The following TRMT61B variants were observed in gnomAD, a reference collection of about 807,000 sequenced individuals.
TRMT61B encodes the protein tRNA (adenine(58)-N(1))-methyltransferase, mitochondrial.
In TRMT61B, 56 loss-of-function variants were observed where a neutral mutation model predicts 52.0. That is an observed-to-expected ratio of 1.08 (90% CI 0.87 to 1.35). The LOEUF is 1.35. Ranked by LOEUF, TRMT61B falls within the 40% of genes most tolerant of loss-of-function variation. The pLI is 0.00. For missense variants in TRMT61B, 650 were observed against 577.9 expected (o/e 1.12, Z -1.28); for synonymous variants, 206 against 220.0 (o/e 0.94, Z 0.56).
At chr2:28,861,335 C>A in intron 2 of TRMT61B, 27 bp from the exon 3 acceptor site, 2 of 1,516,718 alleles carry the variant, frequency 1.3e-6, no homozygotes, top group Non-Finnish European at 1.8e-6. Context: ...TTTGATATTT[C>A]ATAATATTAA....
At chr2:28,866,021 G>A (rs982192727) in intron 1 of TRMT61B, among the ~76,000 whole-genome samples, 21 of 138,696 alleles carry the variant, frequency 1.5e-4, no homozygotes, top group East Asian at 8.8e-4. Flanking sequence ...ACAGAGTCTC[G>A]CTCTGTCACC....
intron 3 of TRMT61B, among the ~76,000 whole-genome samples, chr2:28,856,584 C>T (rs1052439036): frequency 2.6e-5 from 4 of 152,030 alleles, no homozygotes; most frequent in Non-Finnish European, 5.9e-5. Flanking sequence ...TTTTATACTT[C>T]TGAGTCTTTT....
At position 28,855,276 on chromosome 2, in the gene TRMT61B, C is replaced by A. The variant is rs1341411387; in HGVS notation, c.994-2777G>T. Among the ~76,000 whole-genome samples the A allele has an allele frequency of 2.6e-5, 4 of 152,132 alleles. No individual in the cohort carries two copies. In the East Asian group the frequency reaches 7.7e-4, roughly 29 times the overall value. On this transcript the variant is annotated intron_variant, in intron 3 of 6. Coordinates refer to ENST00000306108, the MANE Select transcript of TRMT61B (RefSeq NM_017910.4). ...GCCACTGAAGAATTTTAAAGATTGA[C>A]ATGATTTGAACTTTTTTAAAAAACT...
At chr2:28,852,016 C>T (rs1669128422) in intron 4 of TRMT61B, among the ~76,000 whole-genome samples, 1 of 148,362 alleles carries the variant, frequency 6.7e-6, no homozygotes, top group Non-Finnish European at 1.5e-5. Flanking sequence ...TATTCAGTTA[C>T]AAAATGAATA....
intron 2 of TRMT61B, among the ~76,000 whole-genome samples, chr2:28,862,934 T>C (rs1369076477): frequency 6.6e-6 from 1 of 151,244 alleles, no homozygotes; most frequent in East Asian, 2.0e-4. Context: ...AGCACAGTAA[T>C]ACTGCAATTC....
chr2:28,863,737 T>C (rs897936869), intron 2 of TRMT61B, among the ~76,000 whole-genome samples: 2 of 152,170 alleles, frequency 1.3e-5, no homozygotes, highest in Non-Finnish European at 2.9e-5. Context: ...CAGAATGAAT[T>C]TACCGGCTTA....
chr2:28,857,684 G>A (rs959417543), intron 3 of TRMT61B, among the ~76,000 whole-genome samples: 1 of 152,016 alleles, frequency 6.6e-6, no homozygotes, highest in Non-Finnish European at 1.5e-5. Context: ...ACTTACCCAA[G>A]GTTACACTGG....
At chr2:28,869,541 T>C (rs745719728) in intron 1 of TRMT61B, 38 bp downstream of exon 1, 23 of 1,457,354 alleles carry the variant, frequency 1.6e-5, no homozygotes, top group Non-Finnish European at 2.1e-5. Context: ...TCTTTGCCCC[T>C]CCTGAAACCA....
At position 28,869,852 on chromosome 2, in the gene TRMT61B, A is replaced by G. The variant is rs910906996; in HGVS notation, c.426T>C (p.Ser142=). ...AGGGTCTCTCTCTGGAAGTTGAACA[A>G]GAAGGGGAGACGTGACGCTCTTCGA... is the stretch of plus-strand genomic sequence containing the variant. ...TEVEERHVSP[S]CSTSRERPFQ... is the part of the protein sequence containing the mutation. Residue 142 remains serine (S), a synonymous_variant, in exon 1 of 7, where the codon TCT becomes TCC. Transcript: ENST00000306108. 6.2e-7 allele frequency: 1 copy of G among 1,611,234 alleles called. No individual in the cohort carries two copies. Among genetic ancestry groups the G allele is most frequent in the Non-Finnish European group, 8.5e-7 (1 of 1,179,766 alleles).
chr2:28,867,847 T>G (rs893139525), intron 1 of TRMT61B, among the ~76,000 whole-genome samples: 1 of 151,882 alleles, frequency 6.6e-6, no homozygotes, highest in Non-Finnish European at 1.5e-5. Flanking sequence ...CTAGAGAAGT[T>G]TGAGACCAGT....
At position 28,869,983 on chromosome 2, in the gene TRMT61B, G is replaced by A; in HGVS notation, c.295C>T (p.Pro99Ser). 6.2e-7 allele frequency: 1 copy of A among 1,613,698 alleles called. No individual in the cohort carries two copies. Residue 99 changes from proline (P) to serine (S), a missense_variant, in exon 1 of 7, where the codon CCT (proline) becomes TCT (serine). Coordinates refer to ENST00000306108, the MANE Select transcript of TRMT61B (RefSeq NM_017910.4). ...RLPTLREESS[P>S]RELEDSSGDQ... The stretch of plus-strand genomic sequence containing the variant: ...CCGCTCGAGTCCTCGAGCTCTCGAG[G>A]GGATGACTCTTCCCGCAGCGTCGGC...
Position 28,859,391 on chromosome 2 carries a change from G to A in TRMT61B, c.993+1727C>T, listed in dbSNP as rs918816251. On this transcript the variant is annotated intron_variant, in intron 3 of 6. Coordinates refer to ENST00000306108, the MANE Select transcript of TRMT61B (RefSeq NM_017910.4). ...CCACTGTGCCCTGCCAGAGATTTATGTTTAACATATGCCTTTTGATCTTTG... is the reference window on the plus strand; with the variant it reads ...CCACTGTGCCCTGCCAGAGATTTATATTTAACATATGCCTTTTGATCTTTG... Among the ~76,000 whole-genome samples, 5 of 152,110 alleles carry A rather than the reference G, an allele frequency of 3.3e-5. No homozygotes were observed. In the South Asian group the frequency reaches 1.0e-3, roughly 31 times the overall value.
rs945810320 is a variant in TRMT61B at position 28,852,451 on chromosome 2, G to A, written c.1042C>T (p.Pro348Ser). 7 of 1,612,206 alleles carry A rather than the reference G, an allele frequency of 4.3e-6. No individual in the cohort carries two copies. In the Admixed American group the frequency reaches 8.4e-5, roughly 19 times the overall value. The change falls in exon 4 of 7, where the codon CCA becomes TCA. Residue 348 changes from proline (P) to serine (S), a missense_variant. By Grantham distance (74) the Pro-to-Ser change is moderately conservative. Coordinates refer to ENST00000306108, the MANE Select transcript of TRMT61B (RefSeq NM_017910.4). Reference protein sequence around the residue: ...NPHVTLPVFYPHLKHGGVCAV... With the variant: ...NPHVTLPVFYSHLKHGGVCAV... The stretch of plus-strand genomic sequence containing the variant: ...CATACACCACCATGCTTAAGATGTG[G>A]GTAAAAAACAGGCAAAGTAACATGA...
In TRMT61B at chr2:28,852,475, G is replaced by A. The variant is rs1362031167; in HGVS notation, c.1018C>T (p.His340Tyr). 6.2e-7 allele frequency: 1 copy of A among 1,612,242 alleles called. No homozygotes were observed. The highest frequency in any genetic ancestry group is 8.5e-7 in the Non-Finnish European group (1 of 1,178,666). ...DAVALDMLNP[H>Y]VTLPVFYPHL... ...GGGTAAAAAACAGGCAAAGTAACAT[G>A]AGGATTTAACATATCCAAAGCTACC... is the stretch of plus-strand genomic sequence containing the variant. The change falls in exon 4 of 7, where the codon CAT (histidine) becomes TAT (tyrosine). Residue 340 changes from histidine to tyrosine, a missense_variant. Coordinates refer to ENST00000306108, the MANE Select transcript of TRMT61B (RefSeq NM_017910.4).
In TRMT61B at chr2:28,850,421, A is replaced by G. The variant is rs1455989975; in HGVS notation, c.1313-16T>C. 3 of 1,500,414 alleles carry G rather than the reference A, an allele frequency of 2.0e-6. No individual in the cohort carries two copies. Among genetic ancestry groups the G allele is most frequent in the East Asian group, 2.3e-5 (1 of 44,238 alleles). The allele number at this position is 1,500,414 out of a possible 1,614,324, so 92.9% of individuals were successfully genotyped here. A position where few individuals can be genotyped will look rare whatever the true frequency, so the allele number is the denominator to read the frequency against. ...TGCGATTCTTCTGTTGTAAAAAAAT[A>G]TATGTACTATAAGCTACATAAAATA... On this transcript the variant is annotated splice_polypyrimidine_tract_variant and intron_variant, in intron 5 of 6. Transcript: ENST00000306108.
At position 28,865,035 on chromosome 2, in the gene TRMT61B, A is replaced by C. The variant is rs1351790223; in HGVS notation, c.784T>G (p.Leu262Val). The C allele has an allele frequency of 1.2e-6, 2 of 1,610,520 alleles. No homozygotes were observed. The highest frequency in any genetic ancestry group is 1.7e-6 in the Non-Finnish European group (2 of 1,176,988). The change falls in exon 2 of 7, where the codon TTA becomes GTA. Residue 262 changes from leucine to valine, a missense_variant. Physicochemically the swap from Leu to Val is conservative, Grantham distance 32. Coordinates refer to ENST00000306108, the MANE Select transcript of TRMT61B (RefSeq NM_017910.4). ...CTCTTACCTGCTTTGGATAAAAATA[A>C]GCTCATTCCACCAGAGCCTGAGCCA... ...EAGSGSGGMS[L>V]FLSKAVGSQG...
Position 28,869,791 on chromosome 2 carries a change from C to T in TRMT61B, c.487G>A (p.Glu163Lys), listed in dbSNP as rs1670004153. 3 of 1,614,186 alleles carry T rather than the reference C, an allele frequency of 1.9e-6. No individual in the cohort carries two copies. The East Asian group carries it at 6.7e-5, about 36-fold the overall frequency. Residue 163 changes from glutamate (E) to lysine (K), a missense_variant, in exon 1 of 7, where the codon GAG becomes AAG. Physicochemically the swap from Glu to Lys is moderately conservative, Grantham distance 56. Transcript: ENST00000306108. ...AGELILAETG[E>K]GETKFKKLFR... ...AATTTCTTAAATTTTGTTTCTCCCT[C>T]CCCAGTCTCAGCTAAAATCAGTTCC...
chr2:28,856,189 C>CA (rs1006730279), intron 3 of TRMT61B, among the ~76,000 whole-genome samples: 7 of 152,108 alleles, frequency 4.6e-5, no homozygotes, highest in African/African-American at 7.2e-5. Context: ...TCATCATTTT[C>CA]TTTTTTCAAA....
chr2:28,865,596 T>C (rs1180833146), intron 1 of TRMT61B, among the ~76,000 whole-genome samples: 1 of 151,864 alleles, frequency 6.6e-6, no homozygotes, highest in Non-Finnish European at 1.5e-5. Flanking sequence ...ATACAGGATC[T>C]ACTGGAGAAA....
Sources: gnomAD v4.1 joint callset for allele counts (sites outside exome capture counted in the v4.1 genomes callset) on GRCh38, gnomAD v4.1.1 for gene constraint, MANE v1.5 for transcripts, NCBI Gene and HGNC (gene_info 2026-07-23, HGNC 2026-07-21) for gene names.